The following GEMIN2 variants were observed in gnomAD, a reference collection of about 807,000 sequenced individuals.
GEMIN2 encodes gem nuclear organelle associated protein 2.
Under a neutral mutation model 45.8 loss-of-function variants are expected in GEMIN2, and 37 were observed. The ratio of observed to expected loss-of-function variants is 0.81; its 90% CI spans 0.62 to 1.06. GEMIN2 has a LOEUF of 1.06. Among genes scored for constraint, GEMIN2 ranks in the 50% least tolerant of loss-of-function variants. The pLI is 0.00. For missense variants in GEMIN2, 335 were observed against 321.8 expected (o/e 1.04, Z -0.31); for synonymous variants, 101 against 111.5 (o/e 0.91, Z 0.60).
chr14:39,136,312 G>A, intron 9 of GEMIN2, 128 bp from the exon 10 acceptor site: 1 of 617,848 alleles, frequency 1.6e-6, no homozygotes, highest in East Asian at 2.8e-5. Flanking sequence ...CCACTATGTA[G>A]ACATACTATA....
At chr14:39,135,611 A>G (rs2052772465) in intron 9 of GEMIN2, among the ~76,000 whole-genome samples, 1 of 151,958 alleles carries the variant, frequency 6.6e-6, no homozygotes, top group East Asian at 1.9e-4. Flanking sequence ...AAAGAAAAAA[A>G]AAAGGAAAGC....
At chr14:39,127,343 T>TTTTG (rs2052657379) in intron 6 of GEMIN2, among the ~76,000 whole-genome samples, 1 of 135,742 alleles carries the variant, frequency 7.4e-6, no homozygotes. Context: ...ATTGTTTTTT[T>TTTTG]TTTTTTTTTT....
intron 9 of GEMIN2, 71 bp from the exon 10 acceptor site, chr14:39,136,369 G>T: frequency 1.2e-6 from 1 of 808,718 alleles, no homozygotes; most frequent in Admixed American, 1.8e-5. Context: ...GTTGCTTATG[G>T]TCTTTGGCTA....
intron 9 of GEMIN2, 42 bp downstream of exon 9, chr14:39,133,761 TC>T: frequency 9.3e-7 from 1 of 1,077,838 alleles, no homozygotes; most frequent in Non-Finnish European, 1.4e-6. Flanking sequence ...ATCAGTGAGG[TC>T]AGTGAGGTTA....
intron 6 of GEMIN2, among the ~76,000 whole-genome samples, chr14:39,126,789 G>C (rs1405026205): frequency 1.3e-5 from 2 of 151,768 alleles, no homozygotes; most frequent in African/African-American, 4.8e-5. Context: ...TTTTTTGAGA[G>C]GGAGTCTCGC....
At chr14:39,121,366 C>A (rs140208083) in intron 4 of GEMIN2, among the ~76,000 whole-genome samples, 1 of 152,136 alleles carries the variant, frequency 6.6e-6, no homozygotes, top group African/African-American at 2.4e-5. Context: ...ACAACTATCT[C>A]TACAAAAAAA....
At chr14:39,115,456 C>CTTTTTTTTTTTTTTTTTTTTT (rs35142656) in intron 2 of GEMIN2, among the ~76,000 whole-genome samples, 1 of 123,868 alleles carries the variant, frequency 8.1e-6, no homozygotes. Context: ...ATGTCTTACA[C>CTTTTTTTTTTTTTTTTTTTTT]TTTTTTTTTT....
At chr14:39,130,669 G>A (rs1231142882) in intron 7 of GEMIN2, among the ~76,000 whole-genome samples, 10 of 152,002 alleles carry the variant, frequency 6.6e-5, no homozygotes, top group South Asian at 2.1e-4. Flanking sequence ...CGAGGTGGGC[G>A]GATCACTTGA....
At chr14:39,133,608 T>C (rs2052747897) in intron 8 of GEMIN2, 53 bp from the exon 9 acceptor site, 5 of 975,484 alleles carry the variant, frequency 5.1e-6, no homozygotes, top group Non-Finnish European at 6.0e-6. Context: ...GAAAATTTAT[T>C]TCAAAAGTAA....
chr14:39,124,502 G>A (rs2052615404), intron 5 of GEMIN2, among the ~76,000 whole-genome samples: 1 of 152,116 alleles, frequency 6.6e-6, no homozygotes, highest in Non-Finnish European at 1.5e-5. Context: ...CAGGTGAGGT[G>A]GCTCATGCCT....
intron 7 of GEMIN2, among the ~76,000 whole-genome samples, chr14:39,131,307 G>T (rs1017266019): frequency 1.3e-5 from 2 of 152,074 alleles, no homozygotes; most frequent in African/African-American, 4.8e-5. Context: ...CAAAAAAAAA[G>T]AAAGTTGTAC....
chr14:39,121,091 G>A (rs183814921), intron 4 of GEMIN2, among the ~76,000 whole-genome samples: 3 of 152,264 alleles, frequency 2.0e-5, no homozygotes, highest in African/African-American at 7.2e-5. Flanking sequence ...TGTGAAATAT[G>A]TAATCATGTC....
chr14:39,122,747 C>G (rs1200793447), intron 5 of GEMIN2: 6 of 383,802 alleles, frequency 1.6e-5, no homozygotes, highest in African/African-American at 6.3e-5. Context: ...CCTGCAAAGC[C>G]TAAAATATTT....
At chr14:39,120,401 A>G (rs1040506487) in intron 4 of GEMIN2, among the ~76,000 whole-genome samples, 1 of 152,152 alleles carries the variant, frequency 6.6e-6, no homozygotes, top group African/African-American at 2.4e-5. Context: ...AATAAAGTAC[A>G]CTGTGATGGC....
intron 7 of GEMIN2, among the ~76,000 whole-genome samples, chr14:39,129,450 G>C (rs2052686985): frequency 6.6e-6 from 1 of 152,128 alleles, no homozygotes; most frequent in Non-Finnish European, 1.5e-5. Context: ...ATCTCCCTCT[G>C]TTGCCCAGGC....
intron 5 of GEMIN2, among the ~76,000 whole-genome samples, chr14:39,123,032 A>G (rs1234999977): frequency 6.6e-6 from 1 of 152,146 alleles, no homozygotes; most frequent in African/African-American, 2.4e-5. Context: ...AATCACATCT[A>G]TCACTTCATG....
At chr14:39,118,900 A>G (rs2052544379) in intron 4 of GEMIN2, among the ~76,000 whole-genome samples, 1 of 149,352 alleles carries the variant, frequency 6.7e-6, no homozygotes, top group Non-Finnish European at 1.5e-5. Flanking sequence ...ACCGCCTTCC[A>G]AGTAGCTCGA....
chr14:39,132,641 A>C (rs1266426499), intron 8 of GEMIN2, among the ~76,000 whole-genome samples: 1 of 148,638 alleles, frequency 6.7e-6, no homozygotes, highest in Non-Finnish European at 1.5e-5. Flanking sequence ...CTTATGATCC[A>C]AGATGGCTGC....
At chr14:39,124,967 A>T in intron 5 of GEMIN2, 25 bp from the exon 6 acceptor site, 1 of 1,293,728 alleles carries the variant, frequency 7.7e-7, no homozygotes. Flanking sequence ...CATTTAGTAA[A>T]ATTCAGTCTC....
Sources: allele counts gnomAD v4.1 joint callset (sites outside exome capture counted in the v4.1 genomes callset), GRCh38; gene constraint gnomAD v4.1.1; transcripts MANE v1.5; gene names NCBI Gene and HGNC (gene_info 2026-07-23, HGNC 2026-07-21).